KCNJ6: variants seen among roughly 807,000 people sequenced by gnomAD.
The protein encoded by KCNJ6 is potassium inwardly rectifying channel subfamily J member 6.
In KCNJ6, 9 loss-of-function variants were observed where a neutral mutation model predicts 34.2. The observed-to-expected ratio is 0.26, with a 90% CI of 0.16 to 0.46. The LOEUF is 0.46. Among genes scored for constraint, KCNJ6 ranks in the 20% least tolerant of loss-of-function variants. The probability of loss-of-function intolerance (pLI) is 1.00; values close to 1 mark genes in which losing one functional copy is unlikely to be tolerated. For synonymous variants in KCNJ6, 196 were observed against 207.1 expected (o/e 0.95, Z 0.46); for missense variants, 236 against 531.3 (o/e 0.44, Z 5.46).
At chr21:37,650,443 G>C (rs913781458) in intron 3 of KCNJ6, among the ~76,000 whole-genome samples, 4 of 152,160 alleles carry the variant, frequency 2.6e-5, no homozygotes, top group Non-Finnish European at 5.9e-5. Context: ...TAGGTACCAG[G>C]TGTGTAGTGC....
intron 2 of KCNJ6, among the ~76,000 whole-genome samples, chr21:37,780,242 T>C (rs1286530597): frequency 6.6e-6 from 1 of 152,192 alleles, no homozygotes; most frequent in African/African-American, 2.4e-5. Flanking sequence ...ATTCCAACTA[T>C]ATGACATTCT....
At chr21:37,688,368 G>A (rs1439358990) in intron 3 of KCNJ6, among the ~76,000 whole-genome samples, 2 of 124,198 alleles carry the variant, frequency 1.6e-5, no homozygotes, top group South Asian at 2.8e-4. Flanking sequence ...TATTTTAAAA[G>A]CATTTTTTTT....
Position 37,617,540 on chromosome 21 carries a change from G to T in KCNJ6, c.*7619C>A, listed in dbSNP as rs1364697311. On this transcript the variant is annotated 3_prime_UTR_variant, in exon 4 of 4. Coordinates refer to ENST00000609713, the MANE Select transcript of KCNJ6 (RefSeq NM_002240.5). ...CGGCCTTGTGAGATTTCTTAGCCAG[G>T]GTGGGATTCTATTGGTTGTGGGGTG... 6.6e-6 allele frequency: 1 copy of T among 152,136 alleles called. No individual in the cohort carries two copies. The highest frequency in any genetic ancestry group is 2.4e-5 in the African/African-American group (1 of 41,398). 9.4% of individuals were successfully genotyped at this position (152,136 alleles called of 1,614,324 possible).
At chr21:37,913,813 G>A (rs946629703) in intron 1 of KCNJ6, among the ~76,000 whole-genome samples, 1 of 152,102 alleles carries the variant, frequency 6.6e-6, no homozygotes, top group Admixed American at 6.5e-5. Flanking sequence ...GCGAGACTCC[G>A]TCTAAAAAAG....
chr21:37,842,002 A>T (rs1268882921), intron 1 of KCNJ6, among the ~76,000 whole-genome samples: 1 of 152,234 alleles, frequency 6.6e-6, no homozygotes, highest in Non-Finnish European at 1.5e-5. Context: ...TCCCCCACAA[A>T]GGTTGTACCT....
intron 2 of KCNJ6, among the ~76,000 whole-genome samples, chr21:37,788,116 C>T (rs1420645116): frequency 6.6e-6 from 1 of 152,188 alleles, no homozygotes; most frequent in East Asian, 1.9e-4. Context: ...TAATACCAGT[C>T]AGTGGTTATT....
chr21:37,624,873 T>C lies in KCNJ6; in HGVS notation c.*286A>G. 1 of 449,374 alleles carries C rather than the reference T, an allele frequency of 2.2e-6. No homozygotes were observed. The highest frequency in any genetic ancestry group is 3.8e-5 in the Admixed American group (1 of 26,136). The allele number at this position is 449,374 out of a possible 1,614,324, so 27.8% of individuals were successfully genotyped here. A position where few individuals can be genotyped will look rare whatever the true frequency, so the allele number is the denominator to read the frequency against. On this transcript the variant is annotated 3_prime_UTR_variant, in exon 4 of 4. Coordinates refer to ENST00000609713, the MANE Select transcript of KCNJ6 (RefSeq NM_002240.5). ...TGTACAACACATGCAGGTAAGTAAC[T>C]GAAATCTCCAGGAGTTGGATGTGTA...
chr21:37,774,498 C>A (rs923178322), intron 2 of KCNJ6, among the ~76,000 whole-genome samples: 8 of 151,920 alleles, frequency 5.3e-5, no homozygotes, highest in East Asian at 3.9e-4. Flanking sequence ...ATCCCTCCCC[C>A]CCTCCCCCTA....
At chr21:37,775,481 T>C (rs910061083) in intron 2 of KCNJ6, among the ~76,000 whole-genome samples, 16 of 152,254 alleles carry the variant, frequency 1.1e-4, no homozygotes, top group Non-Finnish European at 2.4e-4. Context: ...TTTATGGTTT[T>C]AGGTCTAACA....
At chr21:37,779,447 T>C (rs2055158722) in intron 2 of KCNJ6, among the ~76,000 whole-genome samples, 1 of 152,220 alleles carries the variant, frequency 6.6e-6, no homozygotes, top group African/African-American at 2.4e-5. Context: ...GGGGGGACCA[T>C]GAACTTGTCA....
chr21:37,640,661 G>T (rs546234193), intron 3 of KCNJ6, among the ~76,000 whole-genome samples: 2 of 152,314 alleles, frequency 1.3e-5, no homozygotes, highest in South Asian at 4.2e-4. Context: ...TCCTATTGAT[G>T]TCAGGGTTTA....
intron 3 of KCNJ6, among the ~76,000 whole-genome samples, chr21:37,633,647 T>C (rs1486659790): frequency 6.6e-6 from 1 of 152,188 alleles, no homozygotes; most frequent in Non-Finnish European, 1.5e-5. Context: ...AGAAAACTTA[T>C]GTATCTTTTT....
At chr21:37,738,636 A>G (rs2123474227) in intron 2 of KCNJ6, among the ~76,000 whole-genome samples, 1 of 152,334 alleles carries the variant, frequency 6.6e-6, no homozygotes, top group Non-Finnish European at 1.5e-5. Flanking sequence ...ATAAATTCAA[A>G]GATGCTGGTG....
intron 2 of KCNJ6, among the ~76,000 whole-genome samples, chr21:37,806,984 T>A (rs1207611125): frequency 6.6e-6 from 1 of 152,230 alleles, no homozygotes; most frequent in African/African-American, 2.4e-5. Flanking sequence ...TAACTTTCAA[T>A]AGGATATGCA....
At chr21:37,643,852 G>A (rs929888616) in intron 3 of KCNJ6, among the ~76,000 whole-genome samples, 4 of 152,082 alleles carry the variant, frequency 2.6e-5, no homozygotes, top group South Asian at 2.1e-4. Context: ...AATATCAATC[G>A]ACCCAGCAGT....
At chr21:37,830,209 A>T (rs928393186) in intron 2 of KCNJ6, among the ~76,000 whole-genome samples, 5 of 151,956 alleles carry the variant, frequency 3.3e-5, no homozygotes, top group African/African-American at 1.2e-4. Context: ...GACCAGACAG[A>T]CTCTCCTGGT....
rs1297240448 is a variant in KCNJ6 at position 37,612,305 on chromosome 21, A to G, written c.*12854T>C. The stretch of plus-strand genomic sequence containing the variant: ...GTACTTAAGGTATAAATCTAACAAT[A>G]TGTATAAGATCTACATGAGGAAAAC... On this transcript the variant is annotated 3_prime_UTR_variant, in exon 4 of 4. Transcript: ENST00000609713. The G allele has an allele frequency of 6.6e-6, 1 of 152,222 alleles. No homozygotes were observed. Among genetic ancestry groups the G allele is most frequent in the East Asian group, 1.9e-4 (1 of 5,200 alleles). The allele number at this position is 152,222 out of a possible 1,614,324, so 9.4% of individuals were successfully genotyped here.
intron 2 of KCNJ6, among the ~76,000 whole-genome samples, chr21:37,771,520 T>G (rs2123503860): frequency 6.6e-6 from 1 of 152,320 alleles, no homozygotes; most frequent in East Asian, 1.9e-4. Context: ...CTGGTCCTAC[T>G]TCTCTGGTAA....
rs2054275040 is a variant in KCNJ6 at position 37,617,175 on chromosome 21, T to TCCTTCCTTCCTC, written c.*7983_*7984insGAGGAAGGAAGG. The TCCTTCCTTCCTC allele has an allele frequency of 9.5e-6, 1 of 105,358 alleles. No homozygotes were observed. Among genetic ancestry groups the TCCTTCCTTCCTC allele is most frequent in the Non-Finnish European group, 2.0e-5 (1 of 50,588 alleles). The allele number at this position is 105,358 out of a possible 1,614,324, so 6.5% of individuals were successfully genotyped here. On this transcript the variant is annotated 3_prime_UTR_variant, in exon 4 of 4. Transcript: ENST00000609713. ...TCCTTCTTTCTTTATCTTTTTTCCTTCCTTCCTTCCTTCCTTCCTTCCTTC... is the reference window on the plus strand; with the variant it reads ...TCCTTCTTTCTTTATCTTTTTTCCTTCCTTCCTTCCTCCCTTCCTTCCTTCCTTCCTTCCTTC...
Sources: allele counts gnomAD v4.1 joint callset (sites outside exome capture counted in the v4.1 genomes callset), GRCh38; gene constraint gnomAD v4.1.1; transcripts MANE v1.5; gene names NCBI Gene and HGNC (gene_info 2026-07-23, HGNC 2026-07-21).